CBLN2: variants seen among roughly 807,000 people sequenced by gnomAD.
CBLN2 encodes cerebellin 2 precursor, also known as cerebellin-2.
Under a neutral mutation model 15.0 loss-of-function variants are expected in CBLN2, and 7 were observed. The ratio of observed to expected loss-of-function variants is 0.47; its 90% CI spans 0.27 to 0.88. The LOEUF is 0.88. Ranked by LOEUF, CBLN2 falls within the 40% of genes least tolerant of loss-of-function variation. The pLI is 0.14. For missense variants in CBLN2, 242 were observed against 304.5 expected, an observed-to-expected ratio of 0.79 and a Z score of 1.53; for synonymous variants, 149 against 135.2, an observed-to-expected ratio of 1.10 and a Z score of -0.71.
chr18:72,593,195 G>A (rs909777202), intron 1 of CBLN2, among the ~76,000 whole-genome samples: 1 of 151,992 alleles, frequency 6.6e-6, no homozygotes. Flanking sequence ...TCATTGTAGA[G>A]ATCTTCCATT....
intron 1 of CBLN2, among the ~76,000 whole-genome samples, chr18:72,620,008 G>A (rs978107192): frequency 6.6e-6 from 1 of 152,220 alleles, no homozygotes; most frequent in African/African-American, 2.4e-5. Context: ...ACACATGGGT[G>A]AGCAAGTAAG....
At chr18:72,589,604 G>C (rs751243000) in intron 1 of CBLN2, among the ~76,000 whole-genome samples, 2 of 152,152 alleles carry the variant, frequency 1.3e-5, no homozygotes, top group Admixed American at 6.5e-5. Flanking sequence ...GATTAAAAAT[G>C]AACATTTAGC....
At chr18:72,629,334 C>T (rs1220842072) in intron 1 of CBLN2, among the ~76,000 whole-genome samples, 1 of 151,698 alleles carries the variant, frequency 6.6e-6, no homozygotes, top group Non-Finnish European at 1.5e-5. Context: ...CAAACACAAT[C>T]AAAAATTTAA....
intron 1 of CBLN2, among the ~76,000 whole-genome samples, chr18:72,610,269 A>G (rs772151216): frequency 3.3e-5 from 5 of 152,062 alleles, no homozygotes; most frequent in African/African-American, 7.2e-5. Flanking sequence ...AGCACACTCC[A>G]TTCTGAGCAT....
At chr18:72,596,685 A>G (rs1159995207) in intron 1 of CBLN2, among the ~76,000 whole-genome samples, 1 of 152,128 alleles carries the variant, frequency 6.6e-6, no homozygotes, top group Non-Finnish European at 1.5e-5. Context: ...TTTTTACTGG[A>G]TGTACTATTG....
intron 1 of CBLN2, among the ~76,000 whole-genome samples, chr18:72,614,535 G>T (rs566746274): frequency 2.0e-5 from 3 of 152,218 alleles, no homozygotes; most frequent in African/African-American, 7.2e-5. Context: ...ATTGGATTTG[G>T]TGGTTTGAGA....
chr18:72,610,710 G>A (rs1280245809), intron 1 of CBLN2, among the ~76,000 whole-genome samples: 3 of 152,126 alleles, frequency 2.0e-5, no homozygotes, highest in Non-Finnish European at 4.4e-5. Context: ...CCCAGTGGTG[G>A]TAAACCTGGC....
intron 1 of CBLN2, among the ~76,000 whole-genome samples, chr18:72,609,660 G>A (rs1210417507): frequency 6.6e-6 from 1 of 152,146 alleles, no homozygotes; most frequent in Non-Finnish European, 1.5e-5. Flanking sequence ...TCACACATCA[G>A]TTTCAAAGGA....
intron 1 of CBLN2, among the ~76,000 whole-genome samples, chr18:72,588,143 C>T (rs2069455443): frequency 6.6e-6 from 1 of 152,162 alleles, no homozygotes. Flanking sequence ...AATTTCCATC[C>T]TATCACTTAT....
At chr18:72,563,617 T>C (rs1053454445) in intron 1 of CBLN2, among the ~76,000 whole-genome samples, 3 of 152,152 alleles carry the variant, frequency 2.0e-5, no homozygotes, top group African/African-American at 7.2e-5. Context: ...CCAGTCAAGA[T>C]CAGCTTGGAA....
chr18:72,566,983 C>T (rs1476755897), intron 1 of CBLN2, among the ~76,000 whole-genome samples: 2 of 152,040 alleles, frequency 1.3e-5, no homozygotes, highest in African/African-American at 4.8e-5. Flanking sequence ...GCCACCCTGC[C>T]CCGCTAATTC....
rs2069681459 is a variant in CBLN2, at chr18:72,618,959, A to AT, written c.15+19365dup. 3 of 749,548 alleles carry AT rather than the reference A, an allele frequency of 4.0e-6. No homozygotes were observed. The Admixed American group carries it at 5.2e-5, about 13-fold the overall frequency. The allele number at this position is 749,548 out of a possible 1,614,324, so 46.4% of individuals were successfully genotyped here. On this transcript the variant is annotated intron_variant, in intron 1 of 2. Transcript: ENST00000581073. ...GGTCATGGTGGCTTTGGTGGCAGCCATGGTGATGGTGGATATGGTGGCAGC... is the reference window on the plus strand; with the variant it reads ...GGTCATGGTGGCTTTGGTGGCAGCCATTGGTGATGGTGGATATGGTGGCAGC...
At chr18:72,608,848 A>G (rs1389981147) in intron 1 of CBLN2, among the ~76,000 whole-genome samples, 3 of 152,210 alleles carry the variant, frequency 2.0e-5, no homozygotes, top group Non-Finnish European at 4.4e-5. Flanking sequence ...CCTCATAGTC[A>G]TGGTGGAAGG....
chr18:72,582,616 C>T (rs773077951), intron 1 of CBLN2, among the ~76,000 whole-genome samples: 1 of 152,148 alleles, frequency 6.6e-6, no homozygotes, highest in Non-Finnish European at 1.5e-5. Context: ...GGGAACCAAA[C>T]CTTGAGTAAA....
intron 1 of CBLN2, among the ~76,000 whole-genome samples, chr18:72,599,604 CT>C (rs1446338826): frequency 6.6e-5 from 10 of 152,070 alleles, no homozygotes; most frequent in African/African-American, 2.4e-4. Flanking sequence ...AAATAAATTC[CT>C]TGTGGTTAAC....
chr18:72,574,105 G>GT (rs1208891647), intron 1 of CBLN2, among the ~76,000 whole-genome samples: 1 of 151,968 alleles, frequency 6.6e-6, no homozygotes, highest in Non-Finnish European at 1.5e-5. Flanking sequence ...GTCTGTTTAG[G>GT]TTTTTTGCTC....
chr18:72,627,503 T>C (rs1244270524), intron 1 of CBLN2, among the ~76,000 whole-genome samples: 1 of 152,206 alleles, frequency 6.6e-6, no homozygotes, highest in African/African-American at 2.4e-5. Flanking sequence ...CTCTGCTTGC[T>C]TTGAATACTG....
At chr18:72,598,873 C>T (rs139607125) in intron 1 of CBLN2, among the ~76,000 whole-genome samples, 3 of 152,354 alleles carry the variant, frequency 2.0e-5, no homozygotes, top group African/African-American at 4.8e-5. Context: ...TTGCTGCACT[C>T]TCTCTCCTCT....
intron 1 of CBLN2, among the ~76,000 whole-genome samples, chr18:72,571,011 T>G (rs1253249687): frequency 1.3e-5 from 2 of 152,098 alleles, no homozygotes; most frequent in Admixed American, 1.3e-4. Flanking sequence ...TTATATTTGT[T>G]TGGATGTTTA....
Sources: allele counts gnomAD v4.1 joint callset (sites outside exome capture counted in the v4.1 genomes callset), GRCh38; gene constraint gnomAD v4.1.1; transcripts MANE v1.5; gene names NCBI Gene and HGNC (gene_info 2026-07-23, HGNC 2026-07-21).